PDE10A: variants seen among roughly 807,000 people sequenced by gnomAD.
PDE10A encodes the protein phosphodiesterase 10A.
PDE10A carries 39 observed loss-of-function variants against 97.7 expected under a neutral mutation model. That is an observed-to-expected ratio of 0.40 (90% CI 0.31 to 0.52). PDE10A has a LOEUF of 0.52. Among genes scored for constraint, PDE10A ranks in the 20% least tolerant of loss-of-function variants. The pLI is 0.56. For missense variants in PDE10A, 731 were observed against 1,047.8 expected (o/e 0.70, Z 4.17); for synonymous variants, 371 against 376.8 (o/e 0.98, Z 0.18).
intron 3 of PDE10A, among the ~76,000 whole-genome samples, chr6:165,467,306 G>A (rs1778712533): frequency 2.0e-5 from 3 of 152,214 alleles, no homozygotes; most frequent in Admixed American, 6.5e-5. Context: ...GGCTATCCTA[G>A]AGAGTGGATT....
At chr6:165,894,593 G>T (rs1781892504) in intron 1 of PDE10A, 1 of 453,464 alleles carries the variant, frequency 2.2e-6, no homozygotes, top group Non-Finnish European at 4.4e-6. Flanking sequence ...CCACAACCCT[G>T]TACTACATAT....
intron 1 of PDE10A, among the ~76,000 whole-genome samples, chr6:165,609,874 G>A (rs1331984302): frequency 6.6e-6 from 1 of 152,124 alleles, no homozygotes; most frequent in Admixed American, 6.5e-5. Flanking sequence ...CAAACAAATG[G>A]AAGAACATTC....
intron 1 of PDE10A, among the ~76,000 whole-genome samples, chr6:165,562,305 A>T (rs1784559660): frequency 6.6e-6 from 1 of 152,220 alleles, no homozygotes; most frequent in African/African-American, 2.4e-5. Context: ...TTAAATCTAT[A>T]TACCTGAAGA....
chr6:165,771,844 G>C (rs768618601), intron 1 of PDE10A, among the ~76,000 whole-genome samples: 7 of 152,144 alleles, frequency 4.6e-5, no homozygotes, highest in Admixed American at 6.6e-5. Flanking sequence ...GTGGCCTGTG[G>C]GGCGGATGAG....
intron 2 of PDE10A, among the ~76,000 whole-genome samples, chr6:165,513,763 AT>A (rs1781639759): frequency 6.6e-6 from 1 of 152,004 alleles, no homozygotes; most frequent in African/African-American, 2.4e-5. Flanking sequence ...TAAGTATTTT[AT>A]TTTTTGATAT....
chr6:165,881,392 C>CTTTTTTTTTTTTTTTT (rs68159417), intron 1 of PDE10A, among the ~76,000 whole-genome samples: 4 of 107,028 alleles, frequency 3.7e-5, no homozygotes, highest in African/African-American at 8.0e-5. Context: ...TTTTTCTTTT[C>CTTTTTTTTTTTTTTTT]TTTTTTTTTT....
intron 18 of PDE10A, among the ~76,000 whole-genome samples, chr6:165,346,159 TA>T: frequency 6.6e-6 from 1 of 152,240 alleles, no homozygotes; most frequent in Non-Finnish European, 1.5e-5. Context: ...ATACAGGTAT[TA>T]AAGAGGATCA....
intron 1 of PDE10A, among the ~76,000 whole-genome samples, chr6:165,642,388 A>T: frequency 6.6e-6 from 1 of 152,174 alleles, no homozygotes. Flanking sequence ...CCCTATCGAC[A>T]CATAGGAGGC....
intron 13 of PDE10A, among the ~76,000 whole-genome samples, chr6:165,404,671 C>A (rs220781): frequency 0.75 from 113,954 of 151,876 alleles, 43,974 homozygotes; most frequent in African/African-American, 0.91. Flanking sequence ...AAACGATGAC[C>A]TGAAAAAAAA....
chr6:165,919,376 C>T (rs968241967), intron 1 of PDE10A, among the ~76,000 whole-genome samples: 2 of 152,200 alleles, frequency 1.3e-5, no homozygotes, highest in African/African-American at 4.8e-5. Context: ...CTGCCCCAGG[C>T]CCACCTCCAT....
Position 165,395,211 on chromosome 6 carries a change from T to C in PDE10A, c.2273A>G (p.Tyr758Cys). ...FENMWPGIFV[Y>C]MVHRSCGTSC... is the part of the protein sequence containing the mutation. Reference sequence around the variant, plus strand: ...TGTCCCACAGGACCGATGAACCATGTAGACAAAAATTCCAGGCCACATGTT... The same window carrying C: ...TGTCCCACAGGACCGATGAACCATGCAGACAAAAATTCCAGGCCACATGTT... The change falls in exon 15 of 22, where the codon TAC (tyrosine) becomes TGC (cysteine). Residue 758 changes from tyrosine (Y) to cysteine (C), a missense_variant. Around this residue, in one of 8 missense-constraint regions of PDE10A, gnomAD observed 131 missense variants for 187.4 expected, o/e 0.70. Transcript: ENST00000539869. 1 of 1,613,330 alleles carries C rather than the reference T, an allele frequency of 6.2e-7. No homozygotes were observed. The highest frequency in any genetic ancestry group is 8.5e-7 in the Non-Finnish European group (1 of 1,179,424).
At chr6:165,642,289 A>G (rs1371350679) in intron 1 of PDE10A, among the ~76,000 whole-genome samples, 3 of 152,098 alleles carry the variant, frequency 2.0e-5, no homozygotes, top group East Asian at 1.9e-4. Context: ...CTTCCCGTGC[A>G]TATGTGTCTA....
At chr6:165,822,283 C>A (rs550082856) in intron 1 of PDE10A, among the ~76,000 whole-genome samples, 7 of 145,142 alleles carry the variant, frequency 4.8e-5, no homozygotes, top group African/African-American at 1.8e-4. Context: ...CACACCTGGG[C>A]TGGATGGCAC....
chr6:165,388,492 A>G lies in PDE10A; in HGVS notation c.2455-39T>C. The G allele has an allele frequency of 6.3e-7, 1 of 1,593,810 alleles. No individual in the cohort carries two copies. Among genetic ancestry groups the G allele is most frequent in the Non-Finnish European group, 8.6e-7 (1 of 1,163,300 alleles). ...TATGATGCAGAGATGCTCAAAACAC[A>G]GAAACACACATGAGCAGACTTACCG... On this transcript the variant is annotated intron_variant, in intron 16 of 21. Transcript: ENST00000539869. This position sits in a 1 kb window ranked among gnomAD's most constrained non-coding sequence, Gnocchi z 4.0.
chr6:165,547,902 T>C (rs1783814741), intron 1 of PDE10A, among the ~76,000 whole-genome samples: 1 of 152,240 alleles, frequency 6.6e-6, no homozygotes, highest in Admixed American at 6.5e-5. Context: ...CACATTACTA[T>C]GCTACCCTTT....
intron 1 of PDE10A, among the ~76,000 whole-genome samples, chr6:165,906,050 C>CTCCCTCCCTCCCTTCCTTCCTTCCT (rs1782270707): frequency 1.9e-4 from 1 of 5,202 alleles, no homozygotes; most frequent in African/African-American, 8.3e-4. Flanking sequence ...CCTTCCTTCC[C>CTCCCTCCCTCCCTTCCTTCCTTCCT]TCCCTCCCTC....
chr6:165,534,845 T>C (rs2128317176), intron 2 of PDE10A, among the ~76,000 whole-genome samples: 1 of 152,104 alleles, frequency 6.6e-6, no homozygotes, highest in African/African-American at 2.4e-5. Context: ...AGCATGACAC[T>C]GAACAGGGAA....
intron 2 of PDE10A, among the ~76,000 whole-genome samples, chr6:165,539,851 T>C (rs557871617): frequency 6.6e-5 from 10 of 152,148 alleles, no homozygotes; most frequent in African/African-American, 2.2e-4. Flanking sequence ...CACTTGAACC[T>C]TGAGGCGGAG....
chr6:165,957,854 T>C (rs1784182101), intron 1 of PDE10A, among the ~76,000 whole-genome samples: 1 of 152,106 alleles, frequency 6.6e-6, no homozygotes, highest in Non-Finnish European at 1.5e-5. Context: ...TTTGAAACAA[T>C]TGTGTTTGGG....
Sources: allele counts gnomAD v4.1 joint callset (sites outside exome capture counted in the v4.1 genomes callset), GRCh38; gene constraint gnomAD v4.1.1; regional missense constraint gnomAD v4.1.1; non-coding constraint Gnocchi (gnomAD v3.1); transcripts MANE v1.5; gene names NCBI Gene and HGNC (gene_info 2026-07-23, HGNC 2026-07-21).